WDPCP: variants seen among roughly 807,000 people sequenced by gnomAD.
WDPCP encodes the protein WD repeat-containing and planar cell polarity effector protein fritz homolog.
A neutral mutation model predicts 93.1 loss-of-function variants in WDPCP; 71 were observed. That is an observed-to-expected ratio of 0.76 (90% CI 0.63 to 0.93). The LOEUF is 0.93. Ranked by LOEUF, WDPCP falls within the 40% of genes least tolerant of loss-of-function variation. The pLI is 0.00. For synonymous variants in WDPCP, 315 were observed against 315.0 expected, an observed-to-expected ratio of 1.00 and a Z score of 0.00; for missense variants, 844 against 887.4, an observed-to-expected ratio of 0.95 and a Z score of 0.62.
intron 3 of WDPCP, among the ~76,000 whole-genome samples, chr2:63,601,788 A>G (rs996478051): frequency 5.9e-5 from 9 of 152,348 alleles, no homozygotes; most frequent in Middle Eastern, 3.4e-3. Flanking sequence ...GGAGCATTGA[A>G]GCAGACATTC....
chr2:63,299,113 G>A (rs996189356), intron 13 of WDPCP, among the ~76,000 whole-genome samples: 3 of 152,124 alleles, frequency 2.0e-5, no homozygotes, highest in Non-Finnish European at 2.9e-5. Flanking sequence ...CATTCCACAC[G>A]TCAGCACCTG....
chr2:63,404,454 G>A lies in WDPCP; in HGVS notation c.1029C>T (p.Cys343=), dbSNP rs1202429998. The A allele has an allele frequency of 6.2e-7, 1 of 1,614,132 alleles. No individual in the cohort carries two copies. Among genetic ancestry groups the A allele is most frequent in the Non-Finnish European group, 8.5e-7 (1 of 1,180,016 alleles). Reference sequence around the variant, plus strand: ...GTTTGTCTTCAGTAACATTCCTGCAGCAGCTGATGGCCTTTGACTTTAGTG... The same window carrying A: ...GTTTGTCTTCAGTAACATTCCTGCAACAGCTGATGGCCTTTGACTTTAGTG... ...RIPLKSKAIS[C]CRNVTEDKLI... The change falls in exon 10 of 18, where the codon TGC becomes TGT. Residue 343 remains cysteine, a synonymous_variant. Transcript: ENST00000272321.
At chr2:63,287,914 G>A (rs1305764040) in intron 13 of WDPCP, among the ~76,000 whole-genome samples, 2 of 152,146 alleles carry the variant, frequency 1.3e-5, no homozygotes, top group Non-Finnish European at 2.9e-5. Context: ...CAATTATAAG[G>A]TATGTAATAA....
intron 2 of WDPCP, among the ~76,000 whole-genome samples, chr2:63,804,614 C>T (rs1004357973): frequency 2.0e-5 from 3 of 151,506 alleles, no homozygotes; most frequent in Non-Finnish European, 2.9e-5. Flanking sequence ...GTGGCCAGAT[C>T]CCACCTTTGC....
chr2:63,287,970 T>C (rs1258217700), intron 13 of WDPCP, among the ~76,000 whole-genome samples: 2 of 152,166 alleles, frequency 1.3e-5, no homozygotes, highest in Non-Finnish European at 2.9e-5. Flanking sequence ...AACTCCTCTA[T>C]ATAAAAACAG....
rs1338801991 is a variant in WDPCP at position 63,485,041 on chromosome 2, T to A, written c.254-54A>T. The stretch of plus-strand genomic sequence containing the variant: ...GTTAAACAAGATTTAAAAAGGAAAT[T>A]CTGCTTAGCAGTGTGCCTTAGGGAG... On this transcript the variant is annotated intron_variant, in intron 4 of 17. Transcript: ENST00000272321. The A allele has an allele frequency of 2.5e-6, 4 of 1,598,826 alleles. No individual in the cohort carries two copies. In the African/African-American group the frequency reaches 5.4e-5, roughly 21 times the overall value.
chr2:63,758,728 C>T (rs1323048029), intron 2 of WDPCP, among the ~76,000 whole-genome samples: 1 of 152,130 alleles, frequency 6.6e-6, no homozygotes, highest in Non-Finnish European at 1.5e-5. Flanking sequence ...GCATGAGCCA[C>T]TGCGTACAGC....
intron 6 of WDPCP, 153 bp from the exon 7 acceptor site, chr2:63,440,024 TACTG>T (rs567933543): frequency 7.0e-5 from 44 of 624,508 alleles, no homozygotes; most frequent in Non-Finnish European, 1.2e-4. Flanking sequence ...GAAAAACAAT[TACTG>T]ACATTGTGAG....
intron 14 of WDPCP, among the ~76,000 whole-genome samples, chr2:63,219,722 C>T (rs765992382): frequency 2.0e-5 from 3 of 151,882 alleles, no homozygotes; most frequent in African/African-American, 4.8e-5. Context: ...AAAAACAGGC[C>T]GGACACGGTG....
intron 3 of WDPCP, among the ~76,000 whole-genome samples, chr2:63,637,072 G>A (rs1709928157): frequency 6.6e-6 from 1 of 152,228 alleles, no homozygotes; most frequent in African/African-American, 2.4e-5. Flanking sequence ...CAAGAGTGGC[G>A]GCTGGGCGCG....
At chr2:63,599,668 T>G (rs1486988473) in intron 3 of WDPCP, 1 of 152,998 alleles carries the variant, frequency 6.5e-6, no homozygotes, top group African/African-American at 2.4e-5. Context: ...TTGAGCTTTG[T>G]GTGATTGTGT....
chr2:63,524,891 T>A (rs1342110804), intron 1 of WDPCP, among the ~76,000 whole-genome samples: 1 of 152,156 alleles, frequency 6.6e-6, no homozygotes, highest in African/African-American at 2.4e-5. Context: ...ATCACACAAT[T>A]TGGTATATAC....
chr2:63,203,546 A>G (rs1488841103), intron 14 of WDPCP, among the ~76,000 whole-genome samples: 1 of 152,100 alleles, frequency 6.6e-6, no homozygotes, highest in Non-Finnish European at 1.5e-5. Context: ...AAAATGTACA[A>G]CTATTTTTTA....
intron 1 of WDPCP, among the ~76,000 whole-genome samples, chr2:63,553,187 T>C (rs1354697508): frequency 3.3e-5 from 5 of 152,210 alleles, no homozygotes; most frequent in South Asian, 2.1e-4. Flanking sequence ...TTACGAGCTT[T>C]TGCCAAGGAA....
intron 12 of WDPCP, among the ~76,000 whole-genome samples, chr2:63,318,694 A>G (rs1302964218): frequency 2.0e-5 from 3 of 152,216 alleles, no homozygotes; most frequent in Admixed American, 2.0e-4. Context: ...GTTCTCTCTT[A>G]TAAGTGGGAA....
At chr2:63,437,336 G>C in intron 8 of WDPCP, 85 bp downstream of exon 8, 2 of 1,104,810 alleles carry the variant, frequency 1.8e-6, no homozygotes, top group Non-Finnish European at 2.5e-6. Flanking sequence ...AAATGTTGAA[G>C]AATAATGAGC....
chr2:63,276,705 A>T (rs1344435733), intron 13 of WDPCP, among the ~76,000 whole-genome samples: 4 of 152,232 alleles, frequency 2.6e-5, no homozygotes, highest in African/African-American at 4.8e-5. Context: ...AAATGTGAAG[A>T]AAGCCTATAA....
chr2:63,134,700 G>A (rs1670502767), intron 17 of WDPCP, among the ~76,000 whole-genome samples: 1 of 152,214 alleles, frequency 6.6e-6, no homozygotes, highest in Non-Finnish European at 1.5e-5. Context: ...TTCTGATTAA[G>A]TCAATATTGT....
chr2:63,531,306 A>C (rs1703823167), intron 1 of WDPCP, among the ~76,000 whole-genome samples: 1 of 152,248 alleles, frequency 6.6e-6, no homozygotes, highest in Non-Finnish European at 1.5e-5. Flanking sequence ...CTGCAGGCTT[A>C]AACATCCCTG....
Sources: gnomAD v4.1 joint callset for allele counts (sites outside exome capture counted in the v4.1 genomes callset) on GRCh38, gnomAD v4.1.1 for gene constraint, MANE v1.5 for transcripts, NCBI Gene and HGNC (gene_info 2026-07-23, HGNC 2026-07-21) for gene names.